ROCK2: variants seen among roughly 807,000 people sequenced by gnomAD.
ROCK2 encodes the protein Rho associated coiled-coil containing protein kinase 2.
A neutral mutation model predicts 195.1 loss-of-function variants in ROCK2; 61 were observed. The observed-to-expected ratio is 0.31, with a 90% CI of 0.25 to 0.39. The LOEUF (loss-of-function observed/expected upper bound fraction) is 0.39, where lower values mean the gene tolerates loss of function less well. Among genes scored for constraint, ROCK2 ranks in the 10% least tolerant of loss-of-function variants. ROCK2 has a pLI of 1.00. For synonymous variants in ROCK2, 504 were observed against 545.5 expected, an observed-to-expected ratio of 0.92 and a Z score of 1.06; for missense variants, 1,109 against 1,637.4, an observed-to-expected ratio of 0.68 and a Z score of 5.57.
At chr2:11,269,935 G>A (rs1002346409) in intron 3 of ROCK2, among the ~76,000 whole-genome samples, 1 of 152,014 alleles carries the variant, frequency 6.6e-6, no homozygotes, top group Non-Finnish European at 1.5e-5. Flanking sequence ...TAATTTTCTC[G>A]TAGAGATGGG....
chr2:11,201,367 T>A lies in ROCK2; in HGVS notation c.2666A>T (p.Glu889Val). The change falls in exon 22 of 33, where the codon GAA becomes GTA. Residue 889 changes from glutamate to valine, a missense_variant. Physicochemically the swap from Glu to Val is moderately radical, Grantham distance 121 (BLOSUM62 -2). Transcript: ENST00000315872. This position sits in a 1 kb window ranked among gnomAD's most constrained non-coding sequence, Gnocchi z 4.6. ...QVRELKEECE[E>V]KTKLGKELQQ... is the part of the protein sequence containing the mutation. ...CAATTCTTTACCAAGTTTGGTCTTT[T>A]CTTCACATTCTTCTTTAAGCTCCCT... is the stretch of plus-strand genomic sequence containing the variant. 1 of 1,612,966 alleles carries A rather than the reference T, an allele frequency of 6.2e-7. No individual in the cohort carries two copies. Among genetic ancestry groups the A allele is most frequent in the Non-Finnish European group, 8.5e-7 (1 of 1,179,186 alleles).
Position 11,344,228 on chromosome 2 carries a change from G to T in ROCK2, c.-92C>A. ...CGCCCCCGAACCACCAGCTCCGGCC[G>T]GGACTCCACCCGGGCCCACCGCCTG... On this transcript the variant is annotated 5_prime_UTR_variant, in exon 1 of 33. Coordinates refer to ENST00000315872, the MANE Select transcript of ROCK2 (RefSeq NM_004850.5). This position sits in a 1 kb window ranked among gnomAD's most constrained non-coding sequence, Gnocchi z 5.4. 7.6e-7 allele frequency: 1 copy of T among 1,322,494 alleles called. No individual in the cohort carries two copies. Among genetic ancestry groups the T allele is most frequent in the Middle Eastern group, 2.9e-4 (1 of 3,508 alleles). The allele number at this position is 1,322,494 out of a possible 1,614,324, so 81.9% of individuals were successfully genotyped here.
At chr2:11,288,944 T>C (rs1667281690) in intron 1 of ROCK2, among the ~76,000 whole-genome samples, 1 of 152,154 alleles carries the variant, frequency 6.6e-6, no homozygotes. Flanking sequence ...ATTAATCTAC[T>C]AATCCTAGAA....
At chr2:11,267,991 G>A (rs1666480049) in intron 3 of ROCK2, among the ~76,000 whole-genome samples, 1 of 151,848 alleles carries the variant, frequency 6.6e-6, no homozygotes, top group Non-Finnish European at 1.5e-5. Context: ...TGGTTCCACA[G>A]ATAAGGAGCT....
In ROCK2 at chr2:11,198,661, CAT is replaced by C. The variant is rs1187829580; in HGVS notation, c.3004+18_3004+19del. ...AAACATTAGGTATATTAAAAATAAA[CAT>C]TTTTTGTTAATACATACGCTCTTGA... On this transcript the variant is annotated intron_variant, in intron 24 of 32. Transcript: ENST00000315872. 3.8e-6 allele frequency: 6 copies of C among 1,577,096 alleles called. No individual in the cohort carries two copies. The Admixed American group carries it at 1.0e-4, about 28-fold the overall frequency.
rs1223424355 is a variant in ROCK2 at position 11,282,294 on chromosome 2, T to C, written c.324+4245A>G. The stretch of plus-strand genomic sequence containing the variant: ...TGGGCCCAGGAGGCAGAGGTTGCAG[T>C]GAGCCAGGATCACACCCCTGCACTC... On this transcript the variant is annotated intron_variant, in intron 3 of 32. Coordinates refer to ENST00000315872, the MANE Select transcript of ROCK2 (RefSeq NM_004850.5). Among the ~76,000 whole-genome samples the C allele has an allele frequency of 2.0e-5, 3 of 152,004 alleles. No individual in the cohort carries two copies. In the East Asian group the frequency reaches 5.8e-4, roughly 29 times the overall value.
intron 11 of ROCK2, chr2:11,218,192 C>G: frequency 3.2e-6 from 1 of 308,612 alleles, no homozygotes; most frequent in Admixed American, 4.8e-5. Flanking sequence ...ATAATTTGAG[C>G]ACACCAGTTA....
At chr2:11,191,956 A>T (rs1663438723) in intron 32 of ROCK2, among the ~76,000 whole-genome samples, 192 bp downstream of exon 32, 1 of 152,262 alleles carries the variant, frequency 6.6e-6, no homozygotes, top group Admixed American at 6.5e-5. Flanking sequence ...TTTAGTAAGT[A>T]AGTTTATATT....
intron 3 of ROCK2, among the ~76,000 whole-genome samples, chr2:11,280,939 A>G (rs995357780): frequency 6.6e-6 from 1 of 152,162 alleles, no homozygotes; most frequent in African/African-American, 2.4e-5. Context: ...AAGATATTAC[A>G]AGAAAACTAC....
intron 4 of ROCK2, among the ~76,000 whole-genome samples, chr2:11,238,209 A>AGTGTGTGTGTGTGTGTGTGTGTGT (rs6146630): frequency 0.017 from 2,292 of 135,260 alleles, 63 homozygotes; most frequent in African/African-American, 0.036. Context: ...ATTGAGAAAG[A>AGTGTGTGTGTGTGTGTGTGTGTGT]GTGTGTGTGT....
chr2:11,210,261 AC>A (rs143293600), intron 18 of ROCK2, among the ~76,000 whole-genome samples: 67,573 of 151,362 alleles, frequency 0.45, 16,678 homozygotes, highest in Non-Finnish European at 0.54. Context: ...AACAAAAAAA[AC>A]AATCACCATA....
chr2:11,259,002 G>A (rs1666131742), intron 3 of ROCK2, among the ~76,000 whole-genome samples: 1 of 151,242 alleles, frequency 6.6e-6, no homozygotes, highest in African/African-American at 2.5e-5. Flanking sequence ...AAATTATGAG[G>A]GGACTGCATG....
In ROCK2 at chr2:11,213,454, C is replaced by A. The variant is rs147818806; in HGVS notation, c.2043+903G>T. Reference sequence around the variant, plus strand: ...ACCACATTGTGATCTTCAGGCCAATCTAACCTGATGCCTTTTTCTTTTTTA... The same window carrying A: ...ACCACATTGTGATCTTCAGGCCAATATAACCTGATGCCTTTTTCTTTTTTA... On this transcript the variant is annotated intron_variant, in intron 17 of 32. Transcript: ENST00000315872. Among the ~76,000 whole-genome samples the A allele has an allele frequency of 3.0e-3, 463 of 152,064 alleles. 2 individuals are homozygous for A. Among genetic ancestry groups the A allele is most frequent in the African/African-American group, 9.9e-3 (412 of 41,538 alleles).
At chr2:11,314,394 T>C (rs1443950546) in intron 1 of ROCK2, among the ~76,000 whole-genome samples, 1 of 151,454 alleles carries the variant, frequency 6.6e-6, no homozygotes, top group East Asian at 1.9e-4. Context: ...AACACAGTAC[T>C]GTTAAAGGTA....
At chr2:11,203,575 G>A (rs184024546) in intron 20 of ROCK2, among the ~76,000 whole-genome samples, 146 of 152,280 alleles carry the variant, frequency 9.6e-4, no homozygotes, top group African/African-American at 3.2e-3. Flanking sequence ...GAGGGAGCAC[G>A]TGATTTAACC....
intron 32 of ROCK2, among the ~76,000 whole-genome samples, chr2:11,188,992 A>G (rs1452450171): frequency 6.8e-6 from 1 of 147,226 alleles, no homozygotes; most frequent in African/African-American, 2.5e-5. Context: ...AACCGAGATC[A>G]CGCCACTACA....
intron 1 of ROCK2, among the ~76,000 whole-genome samples, chr2:11,289,610 T>C (rs957130328): frequency 1.2e-4 from 18 of 152,184 alleles, no homozygotes; most frequent in African/African-American, 3.6e-4. Flanking sequence ...TTCAAACAGA[T>C]AGAATATTAA....
chr2:11,192,467 A>T lies in ROCK2; in HGVS notation c.3933T>A (p.Ile1311=), dbSNP rs1387784406. Residue 1311 remains isoleucine (I), a synonymous_variant, in exon 31 of 33, where the codon ATT becomes ATA. Transcript: ENST00000315872. This position sits in a 1 kb window ranked among gnomAD's most constrained non-coding sequence, Gnocchi z 5.0. ...ATCATTTACCTTTGCAAGGTGCTAT[A>T]ATCTCCTCCTTTTTGTCCATATGAT... ...HKDHMDKKEE[I]IAPCKVYYDI... 8 of 1,614,122 alleles carry T rather than the reference A, an allele frequency of 5.0e-6. No homozygotes were observed. Among genetic ancestry groups the T allele is most frequent in the Non-Finnish European group, 4.2e-6 (5 of 1,179,994 alleles).
intron 1 of ROCK2, among the ~76,000 whole-genome samples, chr2:11,289,027 C>T (rs1203915315): frequency 6.6e-6 from 1 of 152,106 alleles, no homozygotes; most frequent in Admixed American, 6.5e-5. Context: ...AAAATGTTAA[C>T]ACTTTGTGAA....
Sources: allele counts gnomAD v4.1 joint callset (sites outside exome capture counted in the v4.1 genomes callset), GRCh38; gene constraint gnomAD v4.1.1; non-coding constraint Gnocchi (gnomAD v3.1); transcripts MANE v1.5; gene names NCBI Gene and HGNC (gene_info 2026-07-23, HGNC 2026-07-21).